Variants in BLM observed in about 807,000 individuals in gnomAD.
The protein encoded by BLM is recQ-like DNA helicase BLM.
A neutral mutation model predicts 135.3 loss-of-function variants in BLM; 95 were observed. The ratio of observed to expected loss-of-function variants is 0.70; its 90% CI spans 0.59 to 0.83. BLM has a LOEUF of 0.83. BLM is among the 40% of genes least tolerant of loss of function. BLM has a pLI of 0.00. For missense variants in BLM, 1,518 were observed against 1,663.9 expected (o/e 0.91, Z 1.53); for synonymous variants, 520 against 589.2 (o/e 0.88, Z 1.70).
intron 1 of BLM, among the ~76,000 whole-genome samples, chr15:90,721,277 A>G (rs958313622): frequency 1.3e-5 from 2 of 151,938 alleles, no homozygotes; most frequent in African/African-American, 4.8e-5. Context: ...GATGTTCTTT[A>G]TGTGTTTTTA....
At chr15:90,774,066 CTTTTTTTTTTT>C (rs61323062) in intron 12 of BLM, among the ~76,000 whole-genome samples, 2 of 76,866 alleles carry the variant, frequency 2.6e-5, no homozygotes, top group African/African-American at 6.1e-5. Context: ...GTGCCTCCGT[CTTTTTTTTTTT>C]TTTTTTTTTT....
chr15:90,774,066 CTTTTTT>C (rs61323062), intron 12 of BLM, among the ~76,000 whole-genome samples: 1 of 76,866 alleles, frequency 1.3e-5, no homozygotes, highest in Admixed American at 1.4e-4. Flanking sequence ...GTGCCTCCGT[CTTTTTT>C]TTTTTTTTTT....
At position 90,760,870 on chromosome 15, in the gene BLM, C is replaced by A. The variant is rs540772424; in HGVS notation, c.1497C>A (p.Ser499=). 1 of 1,613,944 alleles carries A rather than the reference C, an allele frequency of 6.2e-7. No homozygotes were observed. The highest frequency in any genetic ancestry group is 2.2e-5 in the East Asian group (1 of 44,878). The change falls in exon 7 of 22, where the codon TCC becomes TCA. Residue 499 remains serine (S), a synonymous_variant. Transcript: ENST00000355112. The part of the protein sequence containing the change: ...RPLFNTHLQK[S]FVSSNWAETP... The stretch of plus-strand genomic sequence containing the variant: ...TATTCAATACCCATTTACAGAAGTC[C>A]TTTGTAAGTAGCAACTGGGCTGAAA...
chr15:90,760,812 C>T lies in BLM; in HGVS notation c.1439C>T (p.Ser480Phe), dbSNP rs2151158229. 1 of 1,614,062 alleles carries T rather than the reference C, an allele frequency of 6.2e-7. No individual in the cohort carries two copies. Among genetic ancestry groups the T allele is most frequent in the Non-Finnish European group, 8.5e-7 (1 of 1,180,016 alleles). Residue 480 changes from serine (S) to phenylalanine (F), a missense_variant, in exon 7 of 22, where the codon TCT becomes TTT. This residue lies in a region of BLM where 724 missense variants were observed against 756.9 expected (regional missense o/e 0.96). Coordinates refer to ENST00000355112, the MANE Select transcript of BLM (RefSeq NM_000057.4). ...ACCACCCTAGGAAAGACAGGATTCT[C>T]TGCCACCAGGAAGAATCTTTTTGAA... The part of the protein sequence containing the change: ...LTTTLGKTGF[S>F]ATRKNLFERP...
intron 17 of BLM, 52 bp from the exon 18 acceptor site, chr15:90,803,469 G>T: frequency 6.5e-7 from 1 of 1,533,302 alleles, no homozygotes; most frequent in East Asian, 2.3e-5. Context: ...TCTATTTGAG[G>T]GTGATGATAT....
chr15:90,797,206 G>C (rs1596262335), intron 16 of BLM, among the ~76,000 whole-genome samples: 2 of 152,116 alleles, frequency 1.3e-5, no homozygotes, highest in South Asian at 2.1e-4. Context: ...CTGAGGTCAG[G>C]AGTTAAAGAC....
chr15:90,794,924 AT>A (rs1896995313), intron 16 of BLM, among the ~76,000 whole-genome samples: 1 of 152,024 alleles, frequency 6.6e-6, no homozygotes, highest in Non-Finnish European at 1.5e-5. Flanking sequence ...TTGTGGATAA[AT>A]TCACTATTAT....
chr15:90,750,102 A>G (rs1895642855), intron 3 of BLM, 35 bp downstream of exon 3: 1 of 1,601,734 alleles, frequency 6.2e-7, no homozygotes, highest in Non-Finnish European at 8.5e-7. Flanking sequence ...TAGTATGTTC[A>G]TTGTACTTTT....
chr15:90,745,348 A>C (rs1174461348), intron 1 of BLM, among the ~76,000 whole-genome samples: 1 of 152,226 alleles, frequency 6.6e-6, no homozygotes, highest in Non-Finnish European at 1.5e-5. Flanking sequence ...AAGGTGGTGA[A>C]AGAATGAATA....
At chr15:90,736,271 T>C (rs1210547897) in intron 1 of BLM, among the ~76,000 whole-genome samples, 11 of 152,134 alleles carry the variant, frequency 7.2e-5, no homozygotes, top group Non-Finnish European at 1.5e-5. Context: ...TTTCTTTCTT[T>C]CCTTTTTTTT....
chr15:90,744,279 T>C (rs1895442745), intron 1 of BLM, among the ~76,000 whole-genome samples: 1 of 152,210 alleles, frequency 6.6e-6, no homozygotes, highest in East Asian at 1.9e-4. Flanking sequence ...TCACTCTTTA[T>C]CACTTCGTAT....
At chr15:90,809,353 CCTA>C (rs1897354535) in intron 20 of BLM, 94 bp downstream of exon 20, 3 of 1,585,770 alleles carry the variant, frequency 1.9e-6, no homozygotes, top group Admixed American at 1.7e-5. Flanking sequence ...GTGAATGCTT[CCTA>C]CACCTCGTCA....
intron 12 of BLM, among the ~76,000 whole-genome samples, chr15:90,778,948 C>T (rs1346672263): frequency 6.8e-6 from 1 of 146,012 alleles, no homozygotes; most frequent in Non-Finnish European, 1.5e-5. Context: ...TGCAGTGGTG[C>T]GATCTTGGCT....
At position 90,803,655 on chromosome 15, in the gene BLM, G is replaced by A; in HGVS notation, c.3493G>A (p.Asp1165Asn). Residue 1165 changes from aspartate to asparagine, a missense_variant, in exon 18 of 22, where the codon GAC (aspartate) becomes AAC (asparagine). This residue lies in a region of BLM where 626 missense variants were observed against 681.1 expected (regional missense o/e 0.92). Coordinates refer to ENST00000355112, the MANE Select transcript of BLM (RefSeq NM_000057.4). Reference sequence around the variant, plus strand: ...TGAAGACTTATATATCAATGCCAATGACCAGGCGATCGCTTATGTGATGCT... The same window carrying A: ...TGAAGACTTATATATCAATGCCAATAACCAGGCGATCGCTTATGTGATGCT... ...LDEDLYINAN[D>N]QAIAYVMLGN... 1.2e-6 allele frequency: 2 copies of A among 1,614,128 alleles called. No individual in the cohort carries two copies. The highest frequency in any genetic ancestry group is 1.1e-5 in the South Asian group (1 of 91,052).
chr15:90,763,565 T>C (rs749997863), intron 8 of BLM, among the ~76,000 whole-genome samples: 42 of 152,216 alleles, frequency 2.8e-4, no homozygotes, highest in Non-Finnish European at 6.2e-4. Flanking sequence ...CCATCAGCTA[T>C]GGACCAAAGG....
At chr15:90,753,237 C>A (rs1276596016) in intron 4 of BLM, among the ~76,000 whole-genome samples, 1 of 151,934 alleles carries the variant, frequency 6.6e-6, no homozygotes, top group Non-Finnish European at 1.5e-5. Flanking sequence ...CATAGCGAGA[C>A]CCTCATCTCT....
At chr15:90,813,677 T>G (rs779989932) in intron 21 of BLM, among the ~76,000 whole-genome samples, 11 of 152,192 alleles carry the variant, frequency 7.2e-5, no homozygotes, top group Non-Finnish European at 1.2e-4. Flanking sequence ...CGTGAGCCAC[T>G]GTGCCCAGCC....
At chr15:90,751,233 G>A (rs878916236) in intron 3 of BLM, among the ~76,000 whole-genome samples, 1 of 152,146 alleles carries the variant, frequency 6.6e-6, no homozygotes, top group Admixed American at 6.5e-5. Context: ...GTTACTCTAG[G>A]GTGAGAGAGC....
At chr15:90,776,805 G>A (rs748690068) in intron 12 of BLM, among the ~76,000 whole-genome samples, 3 of 152,114 alleles carry the variant, frequency 2.0e-5, no homozygotes, top group Non-Finnish European at 4.4e-5. Flanking sequence ...CTCCCAAAGT[G>A]CTGGGATTAC....
Sources: gnomAD v4.1 joint callset for allele counts (sites outside exome capture counted in the v4.1 genomes callset) on GRCh38, gnomAD v4.1.1 for gene constraint, gnomAD v4.1.1 regional missense constraint, MANE v1.5 for transcripts, NCBI Gene and HGNC (gene_info 2026-07-23, HGNC 2026-07-21) for gene names.